The following ARSB variants were observed in gnomAD, a reference collection of about 807,000 sequenced individuals.
ARSB encodes the protein arylsulfatase B.
Under a neutral mutation model 50.9 loss-of-function variants are expected in ARSB, and 41 were observed. The observed-to-expected ratio is 0.81, with a 90% CI of 0.63 to 1.04. The LOEUF (loss-of-function observed/expected upper bound fraction) is 1.04. Among genes scored for constraint, ARSB ranks in the 50% least tolerant of loss-of-function variants. ARSB has a pLI of 0.00. For missense variants in ARSB, 672 were observed against 693.3 expected (o/e 0.97, Z 0.35); for synonymous variants, 269 against 284.8 (o/e 0.94, Z 0.56).
At chr5:78,968,877 C>T (rs1752323974) in intron 2 of ARSB, 129 bp downstream of exon 2, 1 of 1,056,346 alleles carries the variant, frequency 9.5e-7, no homozygotes, top group Admixed American at 1.9e-5. Context: ...AAAGCAGCCC[C>T]ATTACAGTGC....
Position 78,956,901 on chromosome 5 carries a change from A to C in ARSB, c.691-1399T>G, listed in dbSNP as rs188327958. ...TTGCTTTAGCTGAAAATAAGCCCTCATCTTTTAGAAGAGGTTTAGTATTTT... is the reference window on the plus strand; with the variant it reads ...TTGCTTTAGCTGAAAATAAGCCCTCCTCTTTTAGAAGAGGTTTAGTATTTT... On this transcript the variant is annotated intron_variant, in intron 3 of 7. Transcript: ENST00000264914. Among the ~76,000 whole-genome samples the C allele has an allele frequency of 2.6e-5, 4 of 152,356 alleles. No homozygotes were observed. The East Asian group carries it at 7.7e-4, about 29-fold the overall frequency.
At chr5:78,942,259 G>T (rs1406801670) in intron 4 of ARSB, among the ~76,000 whole-genome samples, 5 of 152,126 alleles carry the variant, frequency 3.3e-5, no homozygotes, top group Non-Finnish European at 7.4e-5. Flanking sequence ...ATATTTTGAA[G>T]GGTTTTTTGT....
At chr5:78,938,644 C>T (rs1002524875) in intron 4 of ARSB, among the ~76,000 whole-genome samples, 5 of 152,090 alleles carry the variant, frequency 3.3e-5, no homozygotes, top group Admixed American at 3.3e-4. Context: ...ATAAGTCTGC[C>T]AATTGCATAA....
chr5:78,826,732 A>G (rs964143651), intron 6 of ARSB, among the ~76,000 whole-genome samples: 1 of 152,204 alleles, frequency 6.6e-6, no homozygotes, highest in African/African-American at 2.4e-5. Flanking sequence ...GTTACCCCTC[A>G]TGTATTAAAG....
chr5:78,793,373 A>G (rs1224935949), intron 6 of ARSB, among the ~76,000 whole-genome samples: 1 of 151,982 alleles, frequency 6.6e-6, no homozygotes. Context: ...TCTTTTTCCC[A>G]CCTCCACACT....
Position 78,916,347 on chromosome 5 carries a change from C to T in ARSB, c.899-30520G>A, listed in dbSNP as rs567918988. On this transcript the variant is annotated intron_variant, in intron 4 of 7. Transcript: ENST00000264914. ...CTGTTCCAGTCCAGAAGAAAGGAGA[C>T]TGGGCCTGGGCACACAGACAAACTG... 1.4e-4 allele frequency among the ~76,000 whole-genome samples: 22 copies of T among 152,322 alleles called. No homozygotes were observed. In the East Asian group the frequency reaches 4.2e-3, roughly 29 times the overall value.
chr5:78,880,971 C>T (rs1240444211), intron 5 of ARSB, among the ~76,000 whole-genome samples: 1 of 152,186 alleles, frequency 6.6e-6, no homozygotes, highest in Non-Finnish European at 1.5e-5. Flanking sequence ...ATGGCTCACA[C>T]CTGTAATTCC....
intron 4 of ARSB, among the ~76,000 whole-genome samples, chr5:78,913,106 T>C (rs1388964523): frequency 2.0e-5 from 3 of 146,888 alleles, no homozygotes; most frequent in Admixed American, 7.1e-5. Flanking sequence ...GCTTTTAAAA[T>C]GTAGTTTTAA....
rs529744157 is a variant in ARSB, at chr5:78,854,119, G to A, written c.1143-14693C>T. Among the ~76,000 whole-genome samples, 3 of 152,370 alleles carry A rather than the reference G, an allele frequency of 2.0e-5. No individual in the cohort carries two copies. In the South Asian group the frequency reaches 6.2e-4, roughly 32 times the overall value. ...CTAGTGAGATGAATCCGGTACCTCA[G>A]AGGGAAATGCAGAAATCACCCGTCT... is the stretch of plus-strand genomic sequence containing the variant. On this transcript the variant is annotated intron_variant, in intron 5 of 7. Coordinates refer to ENST00000264914, the MANE Select transcript of ARSB (RefSeq NM_000046.5).
chr5:78,836,129 T>C lies in ARSB; in HGVS notation c.1213+3227A>G, dbSNP rs181712224. Among the ~76,000 whole-genome samples the C allele has an allele frequency of 7.2e-5, 11 of 152,340 alleles. No homozygotes were observed. The East Asian group carries it at 1.7e-3, about 24-fold the overall frequency. On this transcript the variant is annotated intron_variant, in intron 6 of 7. Coordinates refer to ENST00000264914, the MANE Select transcript of ARSB (RefSeq NM_000046.5). ...TTGCATAGAAAAGGAAACGGGCTTGTATCATCATCCTAAAAATGAGCAGGC... is the reference window on the plus strand; with the variant it reads ...TTGCATAGAAAAGGAAACGGGCTTGCATCATCATCCTAAAAATGAGCAGGC...
chr5:78,968,642 C>T (rs1046980179), intron 2 of ARSB, among the ~76,000 whole-genome samples: 7 of 152,118 alleles, frequency 4.6e-5, no homozygotes, highest in African/African-American at 1.7e-4. Flanking sequence ...AGCCACCGCA[C>T]CCAGCCTGGA....
chr5:78,973,273 G>A (rs908470826), intron 1 of ARSB, among the ~76,000 whole-genome samples: 15 of 152,176 alleles, frequency 9.9e-5, no homozygotes, highest in East Asian at 3.8e-4. Flanking sequence ...TGTAATATAC[G>A]AAAGTCCAAG....
rs1171214255 is a variant in ARSB, at chr5:78,870,295, T to A, written c.1142+15289A>T. 4.3e-4 allele frequency among the ~76,000 whole-genome samples: 37 copies of A among 85,288 alleles called. 4 individuals carry two copies. Among genetic ancestry groups the A allele is most frequent in the African/African-American group, 1.8e-3 (37 of 20,658 alleles). 56.0% of individuals were successfully genotyped at this position (85,288 alleles called of 152,430 possible). Reference sequence around the variant, plus strand: ...TTCCAATCAATAGAAAAAGAGAGAATCCTCCCTAACTCATTTTATGAGTCC... The same window carrying A: ...TTCCAATCAATAGAAAAAGAGAGAAACCTCCCTAACTCATTTTATGAGTCC... On this transcript the variant is annotated intron_variant, in intron 5 of 7. Coordinates refer to ENST00000264914, the MANE Select transcript of ARSB (RefSeq NM_000046.5).
At chr5:78,846,771 G>C (rs1009567497) in intron 5 of ARSB, among the ~76,000 whole-genome samples, 5 of 152,116 alleles carry the variant, frequency 3.3e-5, no homozygotes, top group Non-Finnish European at 4.4e-5. Flanking sequence ...CTCTGGCTAG[G>C]ACTTCCATTA....
intron 6 of ARSB, among the ~76,000 whole-genome samples, chr5:78,823,709 G>A (rs1300452808): frequency 6.6e-6 from 1 of 152,204 alleles, no homozygotes; most frequent in Non-Finnish European, 1.5e-5. Flanking sequence ...CCAAGCTTCT[G>A]TGATGAGCTC....
At chr5:78,795,152 G>C (rs779305750) in intron 6 of ARSB, among the ~76,000 whole-genome samples, 19 of 152,224 alleles carry the variant, frequency 1.2e-4, no homozygotes, top group Non-Finnish European at 1.5e-5. Flanking sequence ...AGTAGTTATT[G>C]AAATTACACA....
At chr5:78,824,400 G>A (rs1744352528) in intron 6 of ARSB, among the ~76,000 whole-genome samples, 1 of 152,162 alleles carries the variant, frequency 6.6e-6, no homozygotes, top group Admixed American at 6.5e-5. Context: ...TTGGGTGAAA[G>A]TCCTCTAGAC....
chr5:78,852,137 T>C (rs1263576105), intron 5 of ARSB, among the ~76,000 whole-genome samples: 1 of 152,242 alleles, frequency 6.6e-6, no homozygotes, highest in Non-Finnish European at 1.5e-5. Flanking sequence ...CGTTAGTTGA[T>C]GCAGTTTCTT....
rs531297254 is a variant in ARSB, at chr5:78,975,624, T to G, written c.313-6432A>C. On this transcript the variant is annotated intron_variant, in intron 1 of 7. Coordinates refer to ENST00000264914, the MANE Select transcript of ARSB (RefSeq NM_000046.5). Reference sequence around the variant, plus strand: ...GGACCAGAGTTACTTTTCTTAACTATTTTCCCAGAAGAGTGTTTTCCTTTA... The same window carrying G: ...GGACCAGAGTTACTTTTCTTAACTAGTTTCCCAGAAGAGTGTTTTCCTTTA... Among the ~76,000 whole-genome samples the G allele has an allele frequency of 1.2e-4, 18 of 152,320 alleles. No individual in the cohort carries two copies. In the East Asian group the frequency reaches 3.5e-3, roughly 29 times the overall value.
Sources: gnomAD v4.1 joint callset for allele counts (sites outside exome capture counted in the v4.1 genomes callset) on GRCh38, gnomAD v4.1.1 for gene constraint, MANE v1.5 for transcripts, NCBI Gene and HGNC (gene_info 2026-07-23, HGNC 2026-07-21) for gene names.